COBL: variants seen among roughly 807,000 people sequenced by gnomAD.
COBL encodes the protein cordon-bleu WH2 repeat protein, also known as protein cordon-bleu.
COBL carries 51 observed loss-of-function variants against 98.8 expected under a neutral mutation model. The observed-to-expected ratio is 0.52, with a 90% confidence interval of 0.41 to 0.65. The LOEUF is 0.65. Among genes scored for constraint, COBL ranks in the 30% least tolerant of loss-of-function variants. The pLI is 0.00. For missense variants in COBL, 1,617 were observed against 1,617.5 expected, an observed-to-expected ratio of 1.00 and a Z score of 0.01; for synonymous variants, 634 against 651.7, an observed-to-expected ratio of 0.97 and a Z score of 0.41.
chr7:51,025,028 A>G, intron 12 of COBL, 81 bp downstream of exon 12: 3 of 1,587,990 alleles, frequency 1.9e-6, no homozygotes, highest in Non-Finnish European at 2.6e-6. Flanking sequence ...GCTCCTGCCC[A>G]CAGGCAAGCG....
At chr7:51,151,787 T>C (rs1264985757) in intron 5 of COBL, among the ~76,000 whole-genome samples, 2 of 152,200 alleles carry the variant, frequency 1.3e-5, no homozygotes, top group Non-Finnish European at 2.9e-5. Context: ...AGGACAGAGC[T>C]TTGAATCATT....
Position 51,029,170 on chromosome 7 carries a change from G to A in COBL, c.1926C>T (p.Asn642=), listed in dbSNP as rs1787910510. The A allele has an allele frequency of 6.2e-7, 1 of 1,614,048 alleles. No individual in the cohort carries two copies. The change falls in exon 10 of 13, where the codon AAC becomes AAT. Residue 642 remains asparagine (N), a synonymous_variant. Coordinates refer to ENST00000265136, the MANE Select transcript of COBL (RefSeq NM_015198.5). ...TSFASNLHTD[N]LNAKVKDKVY... ...CTTTGTCTTTCACTTTTGCATTTAG[G>A]TTGTCTGTGTGAAGATTCGAAGCAA...
intron 1 of COBL, among the ~76,000 whole-genome samples, chr7:51,309,685 G>A (rs910309680): frequency 1.4e-4 from 22 of 152,222 alleles, no homozygotes; most frequent in Non-Finnish European, 2.5e-4. Flanking sequence ...GAGCTCACAT[G>A]AGTCTTAAGA....
chr7:51,082,915 T>C (rs994187567), intron 7 of COBL: 2 of 758,372 alleles, frequency 2.6e-6, no homozygotes, highest in Non-Finnish European at 4.4e-6. Context: ...CACACTGCAT[T>C]CAGCATTGGG....
intron 5 of COBL, among the ~76,000 whole-genome samples, chr7:51,155,311 C>T (rs773745385): frequency 2.0e-5 from 3 of 151,974 alleles, no homozygotes; most frequent in Non-Finnish European, 2.9e-5. Flanking sequence ...CAGTTCCAGC[C>T]GGGAGCAGTG....
intron 1 of COBL, among the ~76,000 whole-genome samples, chr7:51,263,300 G>A (rs1322591952): frequency 1.3e-5 from 2 of 152,172 alleles, no homozygotes; most frequent in Non-Finnish European, 2.9e-5. Flanking sequence ...GAGGGCCCAC[G>A]AGGTCTCACA....
intron 1 of COBL, among the ~76,000 whole-genome samples, chr7:51,314,326 G>A (rs1029035169): frequency 6.6e-6 from 1 of 152,184 alleles, no homozygotes; most frequent in African/African-American, 2.4e-5. Context: ...CTGAAAGTTT[G>A]ATTTTATAAT....
chr7:51,044,803 A>G (rs1389638752), intron 7 of COBL, among the ~76,000 whole-genome samples: 1 of 152,232 alleles, frequency 6.6e-6, no homozygotes, highest in Admixed American at 6.5e-5. Flanking sequence ...AACATCACCA[A>G]CATTTTAACT....
intron 2 of COBL, among the ~76,000 whole-genome samples, chr7:51,205,767 G>C (rs1392837665): frequency 6.6e-6 from 1 of 151,768 alleles, no homozygotes; most frequent in Non-Finnish European, 1.5e-5. Context: ...AGTCAACAGA[G>C]AGAAGTGCAA....
At chr7:51,251,578 T>A (rs1036973153) in intron 1 of COBL, among the ~76,000 whole-genome samples, 1 of 152,234 alleles carries the variant, frequency 6.6e-6, no homozygotes, top group African/African-American at 2.4e-5. Flanking sequence ...CATATCAAGA[T>A]CCTTGAAGGC....
At chr7:51,236,985 G>A (rs1263509829) in intron 1 of COBL, among the ~76,000 whole-genome samples, 1 of 152,182 alleles carries the variant, frequency 6.6e-6, no homozygotes, top group Non-Finnish European at 1.5e-5. Flanking sequence ...GGTTCTGTGT[G>A]CCCTGCTTCC....
intron 6 of COBL, among the ~76,000 whole-genome samples, chr7:51,122,620 A>G (rs1323678303): frequency 1.3e-5 from 2 of 152,188 alleles, no homozygotes; most frequent in African/African-American, 2.4e-5. Flanking sequence ...TCAGTTATTT[A>G]GCTCTTTGCT....
intron 5 of COBL, among the ~76,000 whole-genome samples, chr7:51,181,279 T>TAA (rs1788922619): frequency 6.6e-6 from 1 of 152,224 alleles, no homozygotes; most frequent in African/African-American, 2.4e-5. Context: ...GAGCTCCTTT[T>TAA]AATTATCAGG....
At chr7:51,161,192 CTG>C (rs748723826) in intron 5 of COBL, among the ~76,000 whole-genome samples, 10 of 152,114 alleles carry the variant, frequency 6.6e-5, no homozygotes, top group Non-Finnish European at 1.0e-4. Flanking sequence ...AGGGGATTTG[CTG>C]TGTGTGTGAC....
chr7:51,033,083 A>T (rs1004341127), intron 8 of COBL: 5 of 152,160 alleles, frequency 3.3e-5, no homozygotes, highest in African/African-American at 1.2e-4. Flanking sequence ...AAATAATAAG[A>T]TAAAAACTCC....
chr7:51,133,123 G>A (rs1165200192), intron 6 of COBL, among the ~76,000 whole-genome samples: 5 of 149,988 alleles, frequency 3.3e-5, no homozygotes, highest in Admixed American at 6.6e-5. Flanking sequence ...AGAGTTCACC[G>A]TCTCTACACA....
chr7:51,131,125 T>C (rs1014786062), intron 6 of COBL, among the ~76,000 whole-genome samples: 2 of 152,164 alleles, frequency 1.3e-5, no homozygotes, highest in East Asian at 1.9e-4. Flanking sequence ...TCAGTCCCAA[T>C]GCAATAATCT....
chr7:51,293,204 G>C (rs188316353), intron 1 of COBL, among the ~76,000 whole-genome samples: 1 of 152,270 alleles, frequency 6.6e-6, no homozygotes, highest in East Asian at 1.9e-4. Flanking sequence ...TGGCAGTTTT[G>C]TAAAACATGA....
intron 11 of COBL, 92 bp from the exon 12 acceptor site, chr7:51,025,464 A>G: frequency 8.9e-6 from 12 of 1,355,784 alleles, no homozygotes; most frequent in Non-Finnish European, 1.0e-5. Flanking sequence ...TGGCATGAGG[A>G]GATGAGGATT....
Sources: gnomAD v4.1 joint callset for allele counts (sites outside exome capture counted in the v4.1 genomes callset) on GRCh38, gnomAD v4.1.1 for gene constraint, MANE v1.5 for transcripts, NCBI Gene and HGNC (gene_info 2026-07-23, HGNC 2026-07-21) for gene names.